The following NFATC3 variants were observed in gnomAD, a reference collection of about 807,000 sequenced individuals.
NFATC3 encodes nuclear factor of activated T cells 3, also known as nuclear factor of activated T-cells, cytoplasmic 3.
Under a neutral mutation model 98.6 loss-of-function variants are expected in NFATC3, and 46 were observed. That is an observed-to-expected ratio of 0.47 (90% CI 0.37 to 0.60). The LOEUF (loss-of-function observed/expected upper bound fraction) is 0.60, where lower values mean the gene tolerates loss of function less well. Among genes scored for constraint, NFATC3 ranks in the 20% least tolerant of loss-of-function variants. NFATC3 has a pLI of 0.00. For missense variants in NFATC3, 1,256 were observed against 1,295.5 expected, an observed-to-expected ratio of 0.97 and a Z score of 0.47; for synonymous variants, 512 against 472.2, an observed-to-expected ratio of 1.08 and a Z score of -1.09.
intron 3 of NFATC3, among the ~76,000 whole-genome samples, chr16:68,152,604 C>G (rs2038398239): frequency 6.6e-6 from 1 of 152,034 alleles, no homozygotes; most frequent in African/African-American, 2.4e-5. Flanking sequence ...TTGAACTGGC[C>G]TCAGAGGCAG....
At chr16:68,119,043 A>G (rs2036439270) in intron 1 of NFATC3, among the ~76,000 whole-genome samples, 1 of 151,390 alleles carries the variant, frequency 6.6e-6, no homozygotes, top group Non-Finnish European at 1.5e-5. Context: ...AATTTTTTGT[A>G]TTTTCAGTAG....
rs900393760 is a variant in NFATC3, at chr16:68,085,469, G to A, written c.-213G>A. ...CAGTGGAGGCTTAGGCACCGGTGGC[G>A]GGCGGCTGCGGTTCCTGGTGCTGCT... On this transcript the variant is annotated 5_prime_UTR_variant, in exon 1 of 10. Transcript: ENST00000346183. 1.3e-4 allele frequency: 57 copies of A among 453,730 alleles called. 2 individuals carry two copies. The South Asian group carries it at 1.8e-3, about 14-fold the overall frequency. The allele number at this position is 453,730 out of a possible 1,614,324, so 28.1% of individuals were successfully genotyped here. A position where few individuals can be genotyped will look rare whatever the true frequency, so the allele number is the denominator to read the frequency against.
chr16:68,102,398 A>AAAAAAAAG, intron 1 of NFATC3, among the ~76,000 whole-genome samples: 2 of 151,088 alleles, frequency 1.3e-5, no homozygotes, highest in African/African-American at 4.9e-5. Flanking sequence ...AAAAAAAAAA[A>AAAAAAAAG]AAAGTCTTCA....
chr16:68,222,447 T>C (rs2041908567), intron 9 of NFATC3, among the ~76,000 whole-genome samples: 1 of 152,278 alleles, frequency 6.6e-6, no homozygotes, highest in South Asian at 2.1e-4. Flanking sequence ...AAAAGTGTTT[T>C]TCATAGCAGC....
chr16:68,098,304 T>TATTATTA (rs1226129009), intron 1 of NFATC3, among the ~76,000 whole-genome samples: 23 of 124,830 alleles, frequency 1.8e-4, no homozygotes, highest in African/African-American at 6.4e-4. Context: ...ATTATTATTT[T>TATTATTA]TTTTTTTTTT....
At chr16:68,170,216 C>T (rs1313668180) in intron 5 of NFATC3, among the ~76,000 whole-genome samples, 1 of 151,624 alleles carries the variant, frequency 6.6e-6, no homozygotes, top group Non-Finnish European at 1.5e-5. Context: ...CACGATGAAA[C>T]CCCATCTCTA....
intron 9 of NFATC3, 71 bp from the exon 10 acceptor site, chr16:68,226,279 G>C: frequency 6.6e-7 from 1 of 1,507,590 alleles, no homozygotes; most frequent in Non-Finnish European, 8.8e-7. Context: ...CTGAGGTAGA[G>C]CTCAGCGTTG....
At chr16:68,125,501 T>G (rs1359259259) in intron 2 of NFATC3, among the ~76,000 whole-genome samples, 1 of 152,164 alleles carries the variant, frequency 6.6e-6, no homozygotes, top group African/African-American at 2.4e-5. Context: ...TTACTTCAAA[T>G]TGCAGTATAT....
At chr16:68,219,108 A>G (rs1291488870) in intron 9 of NFATC3, among the ~76,000 whole-genome samples, 3 of 146,248 alleles carry the variant, frequency 2.1e-5, no homozygotes, top group African/African-American at 7.6e-5. Context: ...CAGCTGGACC[A>G]GGCGCGGTGG....
At chr16:68,109,826 T>G (rs751445778) in intron 1 of NFATC3, among the ~76,000 whole-genome samples, 1 of 152,190 alleles carries the variant, frequency 6.6e-6, no homozygotes, top group Admixed American at 6.5e-5. Context: ...TCCAGGAATT[T>G]ATCAGTGTCT....
intron 5 of NFATC3, among the ~76,000 whole-genome samples, chr16:68,168,203 C>G (rs1028424047): frequency 2.0e-5 from 3 of 151,432 alleles, no homozygotes; most frequent in African/African-American, 7.3e-5. Context: ...CTCTCTTGCC[C>G]AGGCTGGAAT....
intron 1 of NFATC3, among the ~76,000 whole-genome samples, chr16:68,089,747 T>C (rs1392989677): frequency 2.0e-5 from 3 of 152,202 alleles, no homozygotes; most frequent in African/African-American, 7.2e-5. Context: ...CCTGTGGTAC[T>C]CTATTTTAGT....
intron 6 of NFATC3, among the ~76,000 whole-genome samples, chr16:68,179,052 C>T (rs2039840800): frequency 1.3e-5 from 2 of 152,164 alleles, no homozygotes; most frequent in African/African-American, 4.8e-5. Context: ...CTTGTTAAGT[C>T]TCTATATCTT....
At position 68,191,500 on chromosome 16, in the gene NFATC3, C is replaced by G; in HGVS notation, c.2831C>G (p.Ser944Cys). The G allele has an allele frequency of 6.2e-7, 1 of 1,614,164 alleles. No individual in the cohort carries two copies. The highest frequency in any genetic ancestry group is 8.5e-7 in the Non-Finnish European group (1 of 1,180,038). ...AGTTCACCGCTTTCTGGGCCACCAT[C>G]TCCTCAGCTTCAGCCTATGCCTTAC... ...LASSPLSGPP[S>C]PQLQPMPYQS... The change falls in exon 9 of 10, where the codon TCT becomes TGT. Residue 944 changes from serine to cysteine, a missense_variant. Physicochemically the swap from Ser to Cys is moderately radical, Grantham distance 112. Coordinates refer to ENST00000346183, the MANE Select transcript of NFATC3 (RefSeq NM_173165.3).
intron 3 of NFATC3, among the ~76,000 whole-genome samples, chr16:68,140,340 T>C (rs892818221): frequency 3.3e-5 from 5 of 152,132 alleles, no homozygotes; most frequent in Non-Finnish European, 5.9e-5. Flanking sequence ...AGCAGACATC[T>C]AGGGAAAAGG....
intron 8 of NFATC3, among the ~76,000 whole-genome samples, chr16:68,183,801 T>A (rs554065576): frequency 1.3e-5 from 2 of 152,092 alleles, no homozygotes; most frequent in African/African-American, 4.8e-5. Context: ...GTTGGGAGTT[T>A]GAGACCAGCC....
intron 1 of NFATC3, among the ~76,000 whole-genome samples, chr16:68,118,629 T>A (rs2036413951): frequency 6.6e-6 from 1 of 152,208 alleles, no homozygotes; most frequent in Non-Finnish European, 1.5e-5. Context: ...TTCTTAGTGA[T>A]CTTTTGGTCT....
chr16:68,180,569 T>C (rs944547528), intron 6 of NFATC3, among the ~76,000 whole-genome samples: 1 of 152,134 alleles, frequency 6.6e-6, no homozygotes, highest in South Asian at 2.1e-4. Flanking sequence ...GTTACATAGG[T>C]GTAGATGTGC....
intron 1 of NFATC3, among the ~76,000 whole-genome samples, chr16:68,094,926 C>T (rs1046746141): frequency 6.6e-6 from 1 of 152,238 alleles, no homozygotes; most frequent in East Asian, 1.9e-4. Context: ...CTTAACCTTG[C>T]GTTTCATTGA....
Sources: allele counts gnomAD v4.1 joint callset (sites outside exome capture counted in the v4.1 genomes callset), GRCh38; gene constraint gnomAD v4.1.1; transcripts MANE v1.5; gene names NCBI Gene and HGNC (gene_info 2026-07-23, HGNC 2026-07-21).